Variants in NCKAP5 observed in about 807,000 individuals in gnomAD.
NCKAP5 encodes the protein nck-associated protein 5.
In NCKAP5, 92 loss-of-function variants were observed where a neutral mutation model predicts 167.0. The observed-to-expected ratio is 0.55, with a 90% confidence interval of 0.47 to 0.66. The LOEUF (loss-of-function observed/expected upper bound fraction) is 0.66, where lower values mean the gene tolerates loss of function less well. NCKAP5 is among the 30% of genes least tolerant of loss of function. The probability of loss-of-function intolerance (pLI) is 0.00; values close to 1 mark genes in which losing one functional copy is unlikely to be tolerated. For missense variants in NCKAP5, 2,378 were observed against 2,315.0 expected, an observed-to-expected ratio of 1.03 and a Z score of -0.56; for synonymous variants, 891 against 877.4, an observed-to-expected ratio of 1.02 and a Z score of -0.27.
intron 6 of NCKAP5, among the ~76,000 whole-genome samples, chr2:133,106,831 G>T (rs1355393065): frequency 2.0e-5 from 3 of 152,164 alleles, no homozygotes; most frequent in Non-Finnish European, 4.4e-5. Flanking sequence ...AGGAAACCAA[G>T]ACCCTAAAGC....
chr2:132,920,072 C>G (rs1695191874), intron 8 of NCKAP5, among the ~76,000 whole-genome samples: 1 of 152,190 alleles, frequency 6.6e-6, no homozygotes, highest in Admixed American at 6.5e-5. Context: ...CCTACATTGC[C>G]CAGCTGACTG....
chr2:133,006,072 T>C (rs1377936090), intron 6 of NCKAP5, among the ~76,000 whole-genome samples: 1 of 151,734 alleles, frequency 6.6e-6, no homozygotes. Flanking sequence ...GCCTGAGCAA[T>C]ATGATGAAAT....
chr2:133,375,927 T>C (rs1351324837), intron 3 of NCKAP5, among the ~76,000 whole-genome samples: 1 of 152,182 alleles, frequency 6.6e-6, no homozygotes, highest in Non-Finnish European at 1.5e-5. Flanking sequence ...ATGGGTCCAA[T>C]GTCTGAAAGA....
chr2:132,971,286 C>A (rs771542712), intron 7 of NCKAP5, among the ~76,000 whole-genome samples: 1 of 151,964 alleles, frequency 6.6e-6, no homozygotes, highest in Non-Finnish European at 1.5e-5. Flanking sequence ...AGGTGAGATC[C>A]GAGGGCACAG....
At chr2:133,185,449 T>G (rs2084905817) in intron 5 of NCKAP5, among the ~76,000 whole-genome samples, 1 of 152,114 alleles carries the variant, frequency 6.6e-6, no homozygotes, top group African/African-American at 2.4e-5. Context: ...TTTACGCTCT[T>G]TTTTGGTTCC....
intron 3 of NCKAP5, among the ~76,000 whole-genome samples, chr2:133,490,376 A>G (rs952561399): frequency 3.9e-5 from 6 of 152,204 alleles, no homozygotes; most frequent in African/African-American, 7.2e-5. Context: ...AAAGCAACAC[A>G]TACAAATCCT....
At chr2:132,695,424 A>G (rs1008266944) in intron 19 of NCKAP5, among the ~76,000 whole-genome samples, 2 of 152,192 alleles carry the variant, frequency 1.3e-5, no homozygotes, top group African/African-American at 4.8e-5. Context: ...GAAATGTCAG[A>G]GCCCATGCTG....
chr2:133,130,122 C>T lies in NCKAP5; in HGVS notation c.208-11G>A. Reference sequence around the variant, plus strand: ...TATCAGCTTCTCATGCTATAAAAGACACAAAGGGGATGACTTTTAGGAAGG... The same window carrying T: ...TATCAGCTTCTCATGCTATAAAAGATACAAAGGGGATGACTTTTAGGAAGG... On this transcript the variant is annotated splice_polypyrimidine_tract_variant and intron_variant, in intron 5 of 19. Transcript: ENST00000409261. 1 of 1,600,882 alleles carries T rather than the reference C, an allele frequency of 6.2e-7. No individual in the cohort carries two copies. Among genetic ancestry groups the T allele is most frequent in the African/African-American group, 1.3e-5 (1 of 74,140 alleles).
chr2:133,638,944 T>G, the NCKAP5 span, among the ~76,000 whole-genome samples: 1 of 151,258 alleles, frequency 6.6e-6, no homozygotes, highest in Admixed American at 6.6e-5. Flanking sequence ...CAATGTGTAA[T>G]TGTTGCAAGA....
At chr2:132,748,640 A>G (rs1293557986) in intron 16 of NCKAP5, among the ~76,000 whole-genome samples, 13 of 152,062 alleles carry the variant, frequency 8.5e-5, no homozygotes, top group Non-Finnish European at 1.9e-4. Context: ...CTATACCCGT[A>G]CCCTACTCTC....
At chr2:133,363,687 T>A in intron 3 of NCKAP5, among the ~76,000 whole-genome samples, 1 of 152,132 alleles carries the variant, frequency 6.6e-6, no homozygotes, top group Non-Finnish European at 1.5e-5. Context: ...ATAGCAATAT[T>A]TTCATGTTAA....
chr2:133,495,301 A>C (rs1053950871), intron 3 of NCKAP5, among the ~76,000 whole-genome samples: 2 of 152,168 alleles, frequency 1.3e-5, no homozygotes, highest in African/African-American at 4.8e-5. Flanking sequence ...TTTTTGGCTC[A>C]GAATAAACCT....
chr2:132,962,837 T>C (rs1393361907), intron 8 of NCKAP5, among the ~76,000 whole-genome samples: 2 of 152,146 alleles, frequency 1.3e-5, no homozygotes, highest in Non-Finnish European at 2.9e-5. Flanking sequence ...GTGATCCGCC[T>C]GCCTCGGCCT....
intron 4 of NCKAP5, among the ~76,000 whole-genome samples, chr2:133,281,272 G>A (rs2089925754): frequency 6.6e-6 from 1 of 152,248 alleles, no homozygotes; most frequent in East Asian, 1.9e-4. Context: ...TGTTTATAAA[G>A]ACAAGTATAG....
chr2:133,336,606 A>AT (rs1162512882), intron 3 of NCKAP5, among the ~76,000 whole-genome samples: 12 of 152,202 alleles, frequency 7.9e-5, no homozygotes, highest in Non-Finnish European at 1.5e-5. Flanking sequence ...CAATATTTTC[A>AT]TATATATTAC....
chr2:133,087,397 T>C (rs1238718265), intron 6 of NCKAP5, among the ~76,000 whole-genome samples: 1 of 152,222 alleles, frequency 6.6e-6, no homozygotes, highest in Non-Finnish European at 1.5e-5. Context: ...GAGAATTTAT[T>C]GATAAAGACA....
chr2:133,414,575 T>C (rs1688986253), intron 3 of NCKAP5, among the ~76,000 whole-genome samples: 1 of 152,160 alleles, frequency 6.6e-6, no homozygotes, highest in African/African-American at 2.4e-5. Context: ...GACTCACAGA[T>C]TTAGATACAT....
chr2:133,272,316 T>G (rs77754473), intron 4 of NCKAP5, among the ~76,000 whole-genome samples: 2,680 of 152,152 alleles, frequency 0.018, 38 homozygotes, highest in Non-Finnish European at 0.026. Flanking sequence ...AAACAAAGTC[T>G]GGTTATATGA....
At chr2:132,729,436 G>A (rs1416044572) in intron 17 of NCKAP5, among the ~76,000 whole-genome samples, 1 of 152,142 alleles carries the variant, frequency 6.6e-6, no homozygotes, top group Non-Finnish European at 1.5e-5. Context: ...ACGTATTAAG[G>A]TTATTTTGAA....
Sources: allele counts gnomAD v4.1 joint callset (sites outside exome capture counted in the v4.1 genomes callset), GRCh38; gene constraint gnomAD v4.1.1; transcripts MANE v1.5; gene names NCBI Gene and HGNC (gene_info 2026-07-23, HGNC 2026-07-21).